The following ATPAF2 variants were observed in gnomAD, a reference collection of about 807,000 sequenced individuals.
ATPAF2 encodes the protein ATP synthase mitochondrial F1 complex assembly factor 2, also known as ATP12 homolog.
Under a neutral mutation model 36.6 loss-of-function variants are expected in ATPAF2, and 30 were observed. The ratio of observed to expected loss-of-function variants is 0.82; its 90% CI spans 0.61 to 1.11. ATPAF2 has a LOEUF of 1.11. Ranked by LOEUF, ATPAF2 falls within the 50% of genes most tolerant of loss-of-function variation. ATPAF2 has a pLI of 0.00. For synonymous variants in ATPAF2, 140 were observed against 152.6 expected, an observed-to-expected ratio of 0.92 and a Z score of 0.61; for missense variants, 321 against 372.3, an observed-to-expected ratio of 0.86 and a Z score of 1.13.
chr17:18,038,117 C>T (rs563893480), intron 1 of ATPAF2, among the ~76,000 whole-genome samples: 5 of 152,342 alleles, frequency 3.3e-5, no homozygotes, highest in African/African-American at 1.2e-4. Context: ...TTTAATTGAG[C>T]TTCTCTACCA....
chr17:18,028,120 C>T (rs933636309), intron 3 of ATPAF2, 112 bp downstream of exon 3: 13 of 1,315,358 alleles, frequency 9.9e-6, no homozygotes, highest in Admixed American at 6.7e-5. Context: ...TCCCTGGGGG[C>T]CAGACAGGCA....
chr17:18,032,402 T>C (rs1291605221), intron 1 of ATPAF2, among the ~76,000 whole-genome samples: 1 of 152,012 alleles, frequency 6.6e-6, no homozygotes, highest in East Asian at 1.9e-4. Context: ...GGGAGTGGGA[T>C]AGATGGAGGG....
chr17:18,038,789 C>G, intron 1 of ATPAF2, 92 bp downstream of exon 1: 1 of 1,572,836 alleles, frequency 6.4e-7, no homozygotes, highest in South Asian at 1.1e-5. Context: ...AGCCTGAACC[C>G]TGCCTCAGTT....
chr17:18,023,681 CTCTTT>C (rs1174181474), intron 5 of ATPAF2, among the ~76,000 whole-genome samples: 3 of 152,224 alleles, frequency 2.0e-5, no homozygotes, highest in Non-Finnish European at 4.4e-5. Flanking sequence ...CCTTTGCCTT[CTCTTT>C]TAAGACCCAA....
Position 18,018,441 on chromosome 17 carries a change from G to T in ATPAF2, c.*108C>A. 1 of 1,496,392 alleles carries T rather than the reference G, an allele frequency of 6.7e-7. No homozygotes were observed. Among genetic ancestry groups the T allele is most frequent in the East Asian group, 2.3e-5 (1 of 44,406 alleles). The allele number at this position is 1,496,392 out of a possible 1,614,324, so 92.7% of individuals were successfully genotyped here. A position where few individuals can be genotyped will look rare whatever the true frequency, so the allele number is the denominator to read the frequency against. ...GGAATCTCAGGGTGACGCTGAGGCC[G>T]AGTCCCCAAAAGCCAAGGAAGCCAG... On this transcript the variant is annotated 3_prime_UTR_variant, in exon 8 of 8. Coordinates refer to ENST00000474627, the MANE Select transcript of ATPAF2 (RefSeq NM_145691.4).
chr17:18,019,791 A>G (rs1424129692), intron 7 of ATPAF2, among the ~76,000 whole-genome samples: 2 of 152,254 alleles, frequency 1.3e-5, no homozygotes, highest in Non-Finnish European at 2.9e-5. Context: ...GTACAATTGT[A>G]ATATGTCATC....
At chr17:18,032,055 G>A (rs1366171583) in intron 1 of ATPAF2, among the ~76,000 whole-genome samples, 2 of 152,216 alleles carry the variant, frequency 1.3e-5, no homozygotes, top group Admixed American at 1.3e-4. Flanking sequence ...CAATGCAACA[G>A]GCTGGGCTGC....
At chr17:18,028,061 GC>G in intron 3 of ATPAF2, 170 bp downstream of exon 3, 1 of 775,950 alleles carries the variant, frequency 1.3e-6, no homozygotes, top group Non-Finnish European at 2.2e-6. Context: ...AAGTAGCCGG[GC>G]CAGACAAGGA....
intron 6 of ATPAF2, 34 bp from the exon 7 acceptor site, chr17:18,021,272 CAG>C (rs748013933): frequency 6.4e-7 from 1 of 1,562,536 alleles, no homozygotes; most frequent in African/African-American, 1.4e-5. Flanking sequence ...GAACCCAAAA[CAG>C]GGCAGCTGCC....
chr17:18,020,368 C>T (rs2044451933), intron 7 of ATPAF2, among the ~76,000 whole-genome samples: 1 of 152,226 alleles, frequency 6.6e-6, no homozygotes, highest in South Asian at 2.1e-4. Flanking sequence ...GGAGCACAAA[C>T]GGGTTCTCAG....
At chr17:18,016,764 T>G, downstream of ATPAF2, 2 of 694,360 alleles carry the variant, frequency 2.9e-6, no homozygotes, top group Non-Finnish European at 4.8e-6. Flanking sequence ...CTCTAGAGAG[T>G]TGCTGGGCAT....
chr17:18,020,793 G>A (rs940969437), intron 7 of ATPAF2: 7 of 267,092 alleles, frequency 2.6e-5, no homozygotes, highest in African/African-American at 1.1e-4. Context: ...ATCCTCCCAC[G>A]TCAGCTTCCC....
chr17:18,030,830 CTTTTTTTTT>C (rs34365252), intron 1 of ATPAF2, among the ~76,000 whole-genome samples: 2 of 80,086 alleles, frequency 2.5e-5, no homozygotes, highest in African/African-American at 4.8e-5. Flanking sequence ...CCACGCCTGG[CTTTTTTTTT>C]TTTTTTTTTT....
downstream of ATPAF2, chr17:18,016,316 A>G: frequency 8.5e-7 from 1 of 1,178,456 alleles, no homozygotes. Flanking sequence ...AAATAAAATT[A>G]AGGATTATAG....
chr17:18,016,416 C>A, downstream of ATPAF2: 1 of 785,848 alleles, frequency 1.3e-6, no homozygotes, highest in Non-Finnish European at 2.0e-6. Flanking sequence ...ATACAGAGAT[C>A]AGCAGAACCT....
chr17:18,027,437 T>C (rs1429772942), intron 3 of ATPAF2, among the ~76,000 whole-genome samples: 2 of 152,174 alleles, frequency 1.3e-5, no homozygotes, highest in Non-Finnish European at 2.9e-5. Context: ...GACTCCTGTA[T>C]TGACTGAGTG....
chr17:18,016,707 G>A (rs2044378375), downstream of ATPAF2: 1 of 1,395,088 alleles, frequency 7.2e-7, no homozygotes, highest in African/African-American at 1.4e-5. Flanking sequence ...TCAAAACATA[G>A]CACCAGCCCC....
chr17:18,026,084 C>A, intron 4 of ATPAF2: 1 of 605,124 alleles, frequency 1.7e-6, no homozygotes, highest in Non-Finnish European at 3.0e-6. Flanking sequence ...ACCCTCCCAG[C>A]CTAAGGAGCA....
At chr17:18,038,762 G>T in intron 1 of ATPAF2, 119 bp downstream of exon 1, 3 of 1,421,868 alleles carry the variant, frequency 2.1e-6, no homozygotes, top group Non-Finnish European at 2.9e-6. Flanking sequence ...GACCTGACTG[G>T]CCTGCATAAC....
Sources: allele counts gnomAD v4.1 joint callset (sites outside exome capture counted in the v4.1 genomes callset), GRCh38; gene constraint gnomAD v4.1.1; transcripts MANE v1.5; gene names NCBI Gene and HGNC (gene_info 2026-07-23, HGNC 2026-07-21).